ATP11B: variants seen among roughly 807,000 people sequenced by gnomAD.
ATP11B encodes the protein phospholipid-transporting ATPase IF.
Under a neutral mutation model 157.8 loss-of-function variants are expected in ATP11B, and 81 were observed. That is an observed-to-expected ratio of 0.51 (90% confidence interval 0.43 to 0.62). The LOEUF (loss-of-function observed/expected upper bound fraction) is 0.62. Among genes scored for constraint, ATP11B ranks in the 20% least tolerant of loss-of-function variants. The pLI, the probability that ATP11B is intolerant of heterozygous loss-of-function variation, is 0.00. For missense variants in ATP11B, 1,165 were observed against 1,402.2 expected (o/e 0.83, Z 2.70); for synonymous variants, 451 against 469.4 (o/e 0.96, Z 0.51).
chr3:182,817,587 C>T (rs141012972), intron 1 of ATP11B, among the ~76,000 whole-genome samples: 67 of 152,206 alleles, frequency 4.4e-4, no homozygotes, highest in African/African-American at 1.5e-3. Context: ...CCAGGGGGAA[C>T]GTTTTAATAT....
rs1723033580 is a variant in ATP11B at position 182,889,526 on chromosome 3, C to T, written c.2960C>T (p.Thr987Ile). ...FGSYLLIGKD[T>I]SLLGNGQMFG... Reference sequence around the variant, plus strand: ...TCCTATTTACTAATAGGGAAAGATACATCTCTGCTTGGAAATGGCCAGGTA... The same window carrying T: ...TCCTATTTACTAATAGGGAAAGATATATCTCTGCTTGGAAATGGCCAGGTA... Residue 987 changes from threonine (T) to isoleucine (I), a missense_variant, in exon 25 of 30, where the codon ACA becomes ATA. This residue lies in a region of ATP11B where 303 missense variants were observed against 296.3 expected (regional missense o/e 1.02). Coordinates refer to ENST00000323116, the MANE Select transcript of ATP11B (RefSeq NM_014616.3). 19 of 1,559,774 alleles carry T rather than the reference C, an allele frequency of 1.2e-5. No individual in the cohort carries two copies. The highest frequency in any genetic ancestry group is 2.1e-5 in the Admixed American group (1 of 46,610).
chr3:182,851,010 G>A (rs766567037), intron 10 of ATP11B, among the ~76,000 whole-genome samples: 19 of 152,154 alleles, frequency 1.2e-4, no homozygotes, highest in Non-Finnish European at 2.5e-4. Context: ...AGCACAGAAA[G>A]ACACTTCATT....
chr3:182,893,237 CT>C (rs199787993), intron 25 of ATP11B, among the ~76,000 whole-genome samples: 4 of 150,904 alleles, frequency 2.7e-5, no homozygotes, highest in Non-Finnish European at 3.0e-5. Flanking sequence ...TTATTATTTA[CT>C]TTTTTTTTAC....
In ATP11B at chr3:182,920,238, G is replaced by GAAGTT. The variant is rs2108602975; in HGVS notation, c.*2136_*2140dup. On this transcript the variant is annotated 3_prime_UTR_variant, in exon 30 of 30. Coordinates refer to ENST00000323116, the MANE Select transcript of ATP11B (RefSeq NM_014616.3). ...ATGTAATTTTCTGTACTCACCATTT[G>GAAGTT]AAGTTAGTTAAGGAGAACTTTATTT... is the stretch of plus-strand genomic sequence containing the variant. 6.6e-6 allele frequency: 1 copy of GAAGTT among 152,312 alleles called. No homozygotes were observed. Among genetic ancestry groups the GAAGTT allele is most frequent in the Non-Finnish European group, 1.5e-5 (1 of 68,032 alleles). 9.4% of individuals were successfully genotyped at this position (152,312 alleles called of 1,614,324 possible).
chr3:182,829,457 G>A (rs1208033862), intron 3 of ATP11B, among the ~76,000 whole-genome samples: 1 of 152,138 alleles, frequency 6.6e-6, no homozygotes, highest in Non-Finnish European at 1.5e-5. Context: ...GAAGAACTTT[G>A]TGTTTAAACA....
At chr3:182,819,306 C>T (rs549563911) in intron 1 of ATP11B, among the ~76,000 whole-genome samples, 3 of 151,990 alleles carry the variant, frequency 2.0e-5, no homozygotes, top group South Asian at 2.1e-4. Context: ...CTCCTGAGCT[C>T]GTGATCCGCC....
intron 1 of ATP11B, among the ~76,000 whole-genome samples, chr3:182,799,962 T>C (rs764721698): frequency 1.3e-5 from 2 of 152,052 alleles, no homozygotes; most frequent in Non-Finnish European, 1.5e-5. Flanking sequence ...AATTAAAAAT[T>C]AGCTGGGCAT....
intron 8 of ATP11B, 137 bp from the exon 9 acceptor site, chr3:182,845,321 T>C (rs1038898801): frequency 4.4e-6 from 3 of 677,790 alleles, no homozygotes; most frequent in East Asian, 3.3e-5. Context: ...GGCAGCTTTA[T>C]AGTAGCTGGG....
At chr3:182,910,327 G>T (rs75474813) in intron 28 of ATP11B, among the ~76,000 whole-genome samples, 18,311 of 151,892 alleles carry the variant, frequency 0.12, 1,240 homozygotes, top group African/African-American at 0.18. Flanking sequence ...TGTAATCCCG[G>T]CACTTTGAGA....
intron 25 of ATP11B, among the ~76,000 whole-genome samples, chr3:182,889,814 C>T (rs1723057751): frequency 6.6e-6 from 1 of 152,038 alleles, no homozygotes. Flanking sequence ...ATGTTATTGC[C>T]CCTGCATGCT....
Position 182,880,900 on chromosome 3 carries a change from T to A in ATP11B, c.2428T>A (p.Ser810Thr). 1 of 1,588,522 alleles carries A rather than the reference T, an allele frequency of 6.3e-7. No homozygotes were observed. The highest frequency in any genetic ancestry group is 1.2e-5 in the South Asian group (1 of 85,510). Residue 810 changes from serine to threonine, a missense_variant, in exon 21 of 30, where the codon TCA (serine) becomes ACA (threonine). Physicochemically the swap from Ser to Thr is moderately conservative, Grantham distance 58. Around this residue, in one of 4 missense-constraint regions of ATP11B, gnomAD observed 737 missense variants for 930.5 expected, o/e 0.79. Transcript: ENST00000323116. The part of the protein sequence containing the change: ...KAKVIRLIKI[S>T]PEKPITLAVG... ...TCAGGTAATAAGACTAATAAAAATA[T>A]CACCTGAGAAACCTATAACATTGGC...
rs796636598 is a variant in ATP11B at position 182,828,683 on chromosome 3, G to GT, written c.234+486dup. Among the ~76,000 whole-genome samples, 768 of 144,778 alleles carry GT rather than the reference G, an allele frequency of 5.3e-3. 2 individuals carry two copies. Among genetic ancestry groups the GT allele is most frequent in the Non-Finnish European group, 8.4e-3 (550 of 65,728 alleles). The allele number at this position is 144,778 out of a possible 152,430, so 95.0% of individuals were successfully genotyped here. On this transcript the variant is annotated intron_variant, in intron 3 of 29. Coordinates refer to ENST00000323116, the MANE Select transcript of ATP11B (RefSeq NM_014616.3). ...ATTTTTAAGTATCCCTGTGGGTGAA[G>GT]TTTTTTTTTTTTCCAGGAGACTGTT...
intron 1 of ATP11B, 49 bp downstream of exon 1, chr3:182,793,835 TCTCGGCCCGGGGTGGC>T: frequency 8.2e-7 from 1 of 1,219,102 alleles, no homozygotes; most frequent in Non-Finnish European, 1.0e-6. Context: ...CCGCGGGGCC[TCTCGGCCCGGGGTGGC>T]GGGGAAAGGC....
At chr3:182,825,428 ACTTT>A (rs1717648421) in intron 2 of ATP11B, among the ~76,000 whole-genome samples, 1 of 152,080 alleles carries the variant, frequency 6.6e-6, no homozygotes, top group African/African-American at 2.4e-5. Flanking sequence ...TTAAATTTAA[ACTTT>A]CTTTGGCCAT....
intron 17 of ATP11B, 42 bp downstream of exon 17, chr3:182,869,373 T>C (rs937397021): frequency 1.6e-6 from 2 of 1,260,618 alleles, no homozygotes; most frequent in Admixed American, 2.4e-5. Context: ...CTAAAAGATA[T>C]ATTTATGAAA....
At chr3:182,892,733 A>C (rs1466486474) in intron 25 of ATP11B, among the ~76,000 whole-genome samples, 1 of 152,180 alleles carries the variant, frequency 6.6e-6, no homozygotes. Flanking sequence ...TTCTCTTAGT[A>C]AAGTATAAGT....
intron 9 of ATP11B, among the ~76,000 whole-genome samples, chr3:182,846,191 T>C (rs1226565165): frequency 6.6e-6 from 1 of 152,172 alleles, no homozygotes; most frequent in African/African-American, 2.4e-5. Context: ...ACCCACTGGC[T>C]GTCTGCAGCT....
intron 21 of ATP11B, among the ~76,000 whole-genome samples, chr3:182,881,802 C>G (rs1000883005): frequency 2.0e-5 from 3 of 152,054 alleles, no homozygotes; most frequent in Non-Finnish European, 4.4e-5. Context: ...TAGAATCTTA[C>G]CGTTACTCAG....
chr3:182,855,224 A>G (rs1373516039), intron 10 of ATP11B, among the ~76,000 whole-genome samples: 1 of 152,214 alleles, frequency 6.6e-6, no homozygotes, highest in Non-Finnish European at 1.5e-5. Flanking sequence ...GTGTTACACA[A>G]TAGAGAACCC....
Sources: gnomAD v4.1 joint callset for allele counts (sites outside exome capture counted in the v4.1 genomes callset) on GRCh38, gnomAD v4.1.1 for gene constraint, gnomAD v4.1.1 regional missense constraint, MANE v1.5 for transcripts, NCBI Gene and HGNC (gene_info 2026-07-23, HGNC 2026-07-21) for gene names.